FKBP15: variants seen among roughly 807,000 people sequenced by gnomAD.
The protein encoded by FKBP15 is FK506-binding protein 15.
Under a neutral mutation model 158.1 loss-of-function variants are expected in FKBP15, and 106 were observed. The ratio of observed to expected loss-of-function variants is 0.67; its 90% CI spans 0.57 to 0.79. The LOEUF is 0.79. Ranked by LOEUF, FKBP15 falls within the 30% of genes least tolerant of loss-of-function variation. The probability of loss-of-function intolerance (pLI) is 0.00; values close to 1 mark genes in which losing one functional copy is unlikely to be tolerated. For synonymous variants in FKBP15, 547 were observed against 548.6 expected (o/e 1.00, Z 0.04); for missense variants, 1,287 against 1,479.1 (o/e 0.87, Z 2.13).
At chr9:113,212,522 T>C (rs559580323) in intron 1 of FKBP15, among the ~76,000 whole-genome samples, 34 of 152,258 alleles carry the variant, frequency 2.2e-4, no homozygotes, top group African/African-American at 7.5e-4. Flanking sequence ...CTAACCCCAG[T>C]TTACCAGTCC....
chr9:113,197,231 G>A (rs1203513715), intron 8 of FKBP15, among the ~76,000 whole-genome samples, 153 bp from the exon 9 acceptor site: 2 of 152,138 alleles, frequency 1.3e-5, no homozygotes, highest in African/African-American at 4.8e-5. Context: ...GTTGGTATAA[G>A]AATATCTAGA....
At chr9:113,187,658 C>A in intron 14 of FKBP15, 135 bp downstream of exon 14, 1 of 694,616 alleles carries the variant, frequency 1.4e-6, no homozygotes, top group Non-Finnish European at 2.5e-6. Context: ...AAAGTGGTAA[C>A]CAAGGAAGGG....
chr9:113,190,903 G>T (rs1176322632), intron 11 of FKBP15, among the ~76,000 whole-genome samples: 3 of 152,174 alleles, frequency 2.0e-5, no homozygotes, highest in Non-Finnish European at 4.4e-5. Context: ...TTAAGAAAGG[G>T]AGGCATTTTA....
At chr9:113,220,471 C>G (rs1203773551) in intron 1 of FKBP15, among the ~76,000 whole-genome samples, 3 of 152,170 alleles carry the variant, frequency 2.0e-5, no homozygotes, top group Non-Finnish European at 4.4e-5. Flanking sequence ...CTTGGGGAAA[C>G]TGGAGAATGA....
chr9:113,200,735 C>T (rs535271379), intron 6 of FKBP15, among the ~76,000 whole-genome samples: 6 of 152,130 alleles, frequency 3.9e-5, no homozygotes, highest in South Asian at 2.1e-4. Flanking sequence ...TAGGAACTTG[C>T]GGCTCATTTT....
intron 6 of FKBP15, among the ~76,000 whole-genome samples, chr9:113,200,958 C>T (rs543404213): frequency 3.3e-5 from 5 of 150,928 alleles, no homozygotes; most frequent in Admixed American, 6.6e-5. Flanking sequence ...GCAGAAGAAT[C>T]GCTTGAACCC....
Position 113,198,843 on chromosome 9 carries a change from T to G in FKBP15, c.717+12A>C, listed in dbSNP as rs762012989. 6.3e-7 allele frequency: 1 copy of G among 1,590,252 alleles called. No individual in the cohort carries two copies. Among genetic ancestry groups the G allele is most frequent in the Non-Finnish European group, 8.6e-7 (1 of 1,165,324 alleles). On this transcript the variant is annotated intron_variant, in intron 8 of 27. Coordinates refer to ENST00000238256, the MANE Select transcript of FKBP15 (RefSeq NM_015258.2). This position sits in a 1 kb window ranked among gnomAD's most constrained non-coding sequence, Gnocchi z 5.2. ...CTGATAAAACCATAAAAAAACACAG[T>G]TAAGCCTTTACCTTGATGACTTTTC...
chr9:113,208,009 G>A (rs1830926533), intron 2 of FKBP15, among the ~76,000 whole-genome samples: 1 of 152,174 alleles, frequency 6.6e-6, no homozygotes, highest in Non-Finnish European at 1.5e-5. Flanking sequence ...GGGAAATTCA[G>A]TAAGATATTT....
intron 14 of FKBP15, 25 bp downstream of exon 14, chr9:113,187,768 A>G (rs1361235200): frequency 6.4e-7 from 1 of 1,553,438 alleles, no homozygotes; most frequent in Admixed American, 1.7e-5. Context: ...TATAGGATAT[A>G]ATTAATACGG....
rs1344001854 is a variant in FKBP15 at position 113,183,921 on chromosome 9, CT to C, written c.1717-77del. On this transcript the variant is annotated intron_variant, in intron 17 of 27. Transcript: ENST00000238256. The stretch of plus-strand genomic sequence containing the variant: ...CCAGATAGAAGAGAATCAACTTGAA[CT>C]GACAGGTGACATTGTTAACATGTTT... 4 of 1,046,188 alleles carry C rather than the reference CT, an allele frequency of 3.8e-6. No homozygotes were observed. The African/African-American group carries it at 6.3e-5, about 16-fold the overall frequency. The allele number at this position is 1,046,188 out of a possible 1,614,324, so 64.8% of individuals were successfully genotyped here. A position where few individuals can be genotyped will look rare whatever the true frequency, so the allele number is the denominator to read the frequency against.
At chr9:113,180,810 T>G (rs2118881829) in intron 19 of FKBP15, among the ~76,000 whole-genome samples, 1 of 152,274 alleles carries the variant, frequency 6.6e-6, no homozygotes, top group South Asian at 2.1e-4. Flanking sequence ...TAGCCATTAT[T>G]CCACGATTTT....
chr9:113,210,395 T>C (rs1830978393), intron 2 of FKBP15, among the ~76,000 whole-genome samples: 1 of 142,926 alleles, frequency 7.0e-6, no homozygotes, highest in Non-Finnish European at 1.5e-5. Flanking sequence ...TGCAGTGGCG[T>C]GATCTTGGCT....
intron 1 of FKBP15, among the ~76,000 whole-genome samples, chr9:113,213,410 C>T (rs1292872309): frequency 7.3e-6 from 1 of 136,180 alleles, no homozygotes; most frequent in African/African-American, 2.7e-5. Flanking sequence ...ACTCCGTCTC[C>T]AAAAAAAAAA....
Position 113,163,175 on chromosome 9 carries a change from A to AGAT in FKBP15, c.*2900_*2902dup. On this transcript the variant is annotated 3_prime_UTR_variant, in exon 28 of 28. Transcript: ENST00000238256. ...GCTGCTGTGACCAAAGGGAGAATGG[A>AGAT]GATAACAGGGGTGGCAGGGTTACTG... 1 of 309,292 alleles carries AGAT rather than the reference A, an allele frequency of 3.2e-6. No homozygotes were observed. The highest frequency in any genetic ancestry group is 5.9e-6 in the Non-Finnish European group (1 of 168,808). 19.2% of individuals were successfully genotyped at this position (309,292 alleles called of 1,614,324 possible).
Position 113,183,288 on chromosome 9 carries a change from T to C in FKBP15, c.1812-420A>G, listed in dbSNP as rs183718507. ...GCTGTGTTGTGATGTGTTCCACTCA[T>C]CCTCCCCACCCACCCCTCCAAATCT... On this transcript the variant is annotated intron_variant, in intron 18 of 27. Transcript: ENST00000238256. 3.9e-5 allele frequency among the ~76,000 whole-genome samples: 6 copies of C among 152,148 alleles called. No homozygotes were observed. In the East Asian group the frequency reaches 1.2e-3, roughly 29 times the overall value.
Position 113,184,814 on chromosome 9 carries a change from T to C in FKBP15, c.1499-10A>G, listed in dbSNP as rs774970210. The stretch of plus-strand genomic sequence containing the variant: ...GCCATATCACCTGATCCTAAACAGA[T>C]ACAAGCCAAAAAGAAACTTATGAAA... On this transcript the variant is annotated splice_polypyrimidine_tract_variant and intron_variant, in intron 15 of 27. Transcript: ENST00000238256. The surrounding 1 kb of genome is among the most constrained non-coding windows in gnomAD (Gnocchi z 4.5). The C allele has an allele frequency of 1.9e-6, 3 of 1,578,600 alleles. No individual in the cohort carries two copies. The highest frequency in any genetic ancestry group is 2.3e-5 in the East Asian group (1 of 43,870).
intron 24 of FKBP15, among the ~76,000 whole-genome samples, chr9:113,171,053 G>A (rs935052870): frequency 1.3e-5 from 2 of 152,216 alleles, no homozygotes; most frequent in African/African-American, 2.4e-5. Flanking sequence ...CAGAAAGATA[G>A]GGTTCTTTTG....
intron 4 of FKBP15, among the ~76,000 whole-genome samples, chr9:113,203,858 G>T (rs1451072704): frequency 1.3e-5 from 2 of 152,032 alleles, no homozygotes; most frequent in Non-Finnish European, 2.9e-5. Flanking sequence ...GTATAAATAG[G>T]ATTATACAGA....
chr9:113,169,192 C>T, intron 26 of FKBP15, 32 bp downstream of exon 26: 1 of 1,585,486 alleles, frequency 6.3e-7, no homozygotes. Context: ...GATAACTACC[C>T]TGTCCCTGAA....
Sources: gnomAD v4.1 joint callset for allele counts (sites outside exome capture counted in the v4.1 genomes callset) on GRCh38, gnomAD v4.1.1 for gene constraint, Gnocchi (gnomAD v3.1) non-coding constraint, MANE v1.5 for transcripts, NCBI Gene and HGNC (gene_info 2026-07-23, HGNC 2026-07-21) for gene names.